Variants in DYNC2I2 observed in about 807,000 individuals in gnomAD.
The protein encoded by DYNC2I2 is dynein 2 intermediate chain 2.
DYNC2I2 carries 39 observed loss-of-function variants against 52.0 expected under a neutral mutation model. The observed-to-expected ratio is 0.75, with a 90% confidence interval of 0.58 to 0.98. The LOEUF (loss-of-function observed/expected upper bound fraction) is 0.98, where lower values mean the gene tolerates loss of function less well. Ranked by LOEUF, DYNC2I2 falls within the 50% of genes least tolerant of loss-of-function variation. The pLI, the probability that DYNC2I2 is intolerant of heterozygous loss-of-function variation, is 0.00. For missense variants in DYNC2I2, 743 were observed against 728.4 expected (o/e 1.02, Z -0.23); for synonymous variants, 359 against 321.1 (o/e 1.12, Z -1.26).
At chr9:128,641,232 G>A (rs763677670) in intron 1 of DYNC2I2, among the ~76,000 whole-genome samples, 1 of 152,094 alleles carries the variant, frequency 6.6e-6, no homozygotes, top group East Asian at 1.9e-4. Context: ...GACTTTTGGT[G>A]CAACAATTCG....
intron 1 of DYNC2I2, among the ~76,000 whole-genome samples, chr9:128,652,518 G>A (rs1022292930): frequency 6.6e-6 from 1 of 150,668 alleles, no homozygotes; most frequent in African/African-American, 2.5e-5. Context: ...AGGTACTCAG[G>A]AGGCTGACGG....
intron 1 of DYNC2I2, among the ~76,000 whole-genome samples, chr9:128,648,858 G>GAGGC (rs1296035650): frequency 1.3e-5 from 2 of 151,560 alleles, no homozygotes; most frequent in Non-Finnish European, 2.9e-5. Context: ...CAGTCCAGAA[G>GAGGC]AGGCACTCAC....
intron 1 of DYNC2I2, among the ~76,000 whole-genome samples, chr9:128,654,053 AT>A (rs1489907852): frequency 6.6e-6 from 1 of 152,182 alleles, no homozygotes. Context: ...AGCAAGAGCT[AT>A]TTTGAGTATT....
Position 128,635,174 on chromosome 9 carries a change from C to G in DYNC2I2, c.899G>C (p.Gly300Ala). ...ATDGKVLLWQ[G>A]IGVGQLQLTE... is the part of the protein sequence containing the mutation. Reference sequence around the variant, plus strand: ...GAGCTGCAGCTGGCCTACCCCGATGCCCTGCCAGAGTAGCACCTTCCCGTC... The same window carrying G: ...GAGCTGCAGCTGGCCTACCCCGATGGCCTGCCAGAGTAGCACCTTCCCGTC... Residue 300 changes from glycine to alanine, a missense_variant, in exon 6 of 9, where the codon GGC (glycine) becomes GCC (alanine). Physicochemically the swap from Gly to Ala is moderately conservative, Grantham distance 60. Coordinates refer to ENST00000372715, the MANE Select transcript of DYNC2I2 (RefSeq NM_052844.4). 1 of 1,613,516 alleles carries G rather than the reference C, an allele frequency of 6.2e-7. No homozygotes were observed. The highest frequency in any genetic ancestry group is 8.5e-7 in the Non-Finnish European group (1 of 1,179,986).
chr9:128,653,040 CCAGCATGGT>C (rs1285916831), intron 1 of DYNC2I2, among the ~76,000 whole-genome samples: 1 of 150,446 alleles, frequency 6.6e-6, no homozygotes, highest in Non-Finnish European at 1.5e-5. Flanking sequence ...ACCAGCCTGG[CCAGCATGGT>C]GAAACCCTGT....
At chr9:128,643,798 A>T (rs2132163004) in intron 1 of DYNC2I2, among the ~76,000 whole-genome samples, 1 of 152,294 alleles carries the variant, frequency 6.6e-6, no homozygotes, top group South Asian at 2.1e-4. Flanking sequence ...GTGAGGTCAC[A>T]CTCAGGCAGA....
chr9:128,649,379 G>C (rs1324506563), intron 1 of DYNC2I2, among the ~76,000 whole-genome samples: 1 of 152,060 alleles, frequency 6.6e-6, no homozygotes. Context: ...AAGAGTTTGA[G>C]GCTGCGTGAG....
chr9:128,641,087 A>G, intron 1 of DYNC2I2, 148 bp from the exon 2 acceptor site: 1 of 1,311,704 alleles, frequency 7.6e-7, no homozygotes, highest in South Asian at 1.6e-5. Flanking sequence ...TTGGTTGGAG[A>G]TGGCCCCTTG....
rs1456654032 is a variant in DYNC2I2, at chr9:128,635,760, C to T, written c.711G>A (p.Leu237=). The part of the protein sequence containing the change: ...PTQPSHVAGG[L]YSGEVLVWDL... ...CCCACACCAACACCTCACCACTGTA[C>T]AGCCCTCCTGCAGGGACAGTGGACC... Residue 237 remains leucine (L), a synonymous_variant, in exon 5 of 9, where the codon CTG becomes CTA. Coordinates refer to ENST00000372715, the MANE Select transcript of DYNC2I2 (RefSeq NM_052844.4). The T allele has an allele frequency of 6.2e-7, 1 of 1,612,246 alleles. No homozygotes were observed.
chr9:128,665,199 C>T, the DYNC2I2 span, among the ~76,000 whole-genome samples: 1 of 151,656 alleles, frequency 6.6e-6, no homozygotes, highest in Non-Finnish European at 1.5e-5. Context: ...ATTACAGGCG[C>T]CCGCCACCAC....
At chr9:128,669,878 A>G in the DYNC2I2 span, among the ~76,000 whole-genome samples, 10 of 152,180 alleles carry the variant, frequency 6.6e-5, no homozygotes, top group East Asian at 1.9e-3. Context: ...ACGGGGTTTC[A>G]CTATGTTGCT....
Position 128,653,703 on chromosome 9 carries a change from G to A in DYNC2I2, c.186+2838C>T, listed in dbSNP as rs188678745. ...TGCACTCCAGCCTAGGCCACAGAGC[G>A]AGACTCTGTCTCCAAAAAAAAACCC... is the stretch of plus-strand genomic sequence containing the variant. On this transcript the variant is annotated intron_variant, in intron 1 of 8. Coordinates refer to ENST00000372715, the MANE Select transcript of DYNC2I2 (RefSeq NM_052844.4). 1.5e-4 allele frequency among the ~76,000 whole-genome samples: 21 copies of A among 141,614 alleles called. 1 individual carries two copies. The highest frequency in any genetic ancestry group is 5.2e-4 in the African/African-American group (18 of 34,358). The allele number at this position is 141,614 out of a possible 152,430, so 92.9% of individuals were successfully genotyped here.
the DYNC2I2 span, among the ~76,000 whole-genome samples, chr9:128,665,339 C>T: frequency 6.6e-6 from 1 of 152,132 alleles, no homozygotes; most frequent in Admixed American, 6.6e-5. Flanking sequence ...GCGTGAGCCA[C>T]CGTGCCTGGC....
At chr9:128,638,627 G>A (rs867832966) in intron 2 of DYNC2I2, among the ~76,000 whole-genome samples, 2 of 150,082 alleles carry the variant, frequency 1.3e-5, no homozygotes, top group Non-Finnish European at 2.9e-5. Context: ...TGCAGCATGT[G>A]CAAGAGGTGC....
the DYNC2I2 span, among the ~76,000 whole-genome samples, chr9:128,671,065 C>G: frequency 4.0e-5 from 1 of 25,004 alleles, no homozygotes; most frequent in Non-Finnish European, 8.2e-5. Flanking sequence ...GAAACTCCGT[C>G]TCAAAAAAAA....
upstream of DYNC2I2, chr9:128,656,874 G>GT: frequency 1.2e-6 from 1 of 807,010 alleles, no homozygotes; most frequent in Non-Finnish European, 1.7e-6. Context: ...AGAAAGAAAA[G>GT]TAACGATTCT....
At chr9:128,640,961 G>C in intron 1 of DYNC2I2, 22 bp from the exon 2 acceptor site, 1 of 1,565,144 alleles carries the variant, frequency 6.4e-7, no homozygotes, top group East Asian at 2.2e-5. Flanking sequence ...GTGAAAACAA[G>C]TGTCACCACC....
intron 1 of DYNC2I2, among the ~76,000 whole-genome samples, chr9:128,650,285 G>C (rs111515274): frequency 0.1 from 5,782 of 55,484 alleles, 2,031 homozygotes; most frequent in African/African-American, 0.2. Flanking sequence ...CTGACACTCA[G>C]AAACTCCACG....
chr9:128,682,714 C>T, the DYNC2I2 span, among the ~76,000 whole-genome samples: 2 of 136,828 alleles, frequency 1.5e-5, no homozygotes, highest in Admixed American at 7.9e-5. Flanking sequence ...CTCGCTCTGT[C>T]GCCCAGGCTG....
Sources: gnomAD v4.1 joint callset for allele counts (sites outside exome capture counted in the v4.1 genomes callset) on GRCh38, gnomAD v4.1.1 for gene constraint, MANE v1.5 for transcripts, NCBI Gene and HGNC (gene_info 2026-07-23, HGNC 2026-07-21) for gene names.